The following ADGRL2 variants were observed in gnomAD, a reference collection of about 807,000 sequenced individuals.
The protein encoded by ADGRL2 is adhesion G protein-coupled receptor L2, also known as calcium-independent alpha-latrotoxin receptor 2.
A neutral mutation model predicts 157.4 loss-of-function variants in ADGRL2; 44 were observed. The observed-to-expected ratio is 0.28, with a 90% CI of 0.22 to 0.36. ADGRL2 has a LOEUF of 0.36. Ranked by LOEUF, ADGRL2 falls within the 10% of genes least tolerant of loss-of-function variation. The probability of loss-of-function intolerance (pLI) is 1.00; values close to 1 mark genes in which losing one functional copy is unlikely to be tolerated. For synonymous variants in ADGRL2, 585 were observed against 624.7 expected, an observed-to-expected ratio of 0.94 and a Z score of 0.95; for missense variants, 1,510 against 1,768.9, an observed-to-expected ratio of 0.85 and a Z score of 2.63.
chr1:81,503,444 A>G, intron 2 of ADGRL2: 1 of 1,612,974 alleles, frequency 6.2e-7, no homozygotes, highest in Non-Finnish European at 8.5e-7. Flanking sequence ...CCCAGCGCAG[A>G]GCCCTCCACC....
chr1:81,472,931 A>T (rs2101876676), intron 2 of ADGRL2, among the ~76,000 whole-genome samples: 1 of 152,304 alleles, frequency 6.6e-6, no homozygotes, highest in South Asian at 2.1e-4. Context: ...GGAGGGAAGG[A>T]GGAAGGAAAC....
At chr1:81,592,201 C>T (rs1477767695) in intron 3 of ADGRL2, among the ~76,000 whole-genome samples, 2 of 152,084 alleles carry the variant, frequency 1.3e-5, no homozygotes, top group Non-Finnish European at 2.9e-5. Context: ...TATATCTCAA[C>T]CCAGTTGAGA....
At chr1:81,397,818 G>A (rs974410527) in intron 1 of ADGRL2, among the ~76,000 whole-genome samples, 9 of 152,138 alleles carry the variant, frequency 5.9e-5, no homozygotes, top group African/African-American at 1.9e-4. Flanking sequence ...GTAAATGTCT[G>A]GTATTAGGTA....
intron 1 of ADGRL2, among the ~76,000 whole-genome samples, chr1:81,405,543 T>C (rs34113504): frequency 0.5 from 74,307 of 149,846 alleles, 19,106 homozygotes; most frequent in Non-Finnish European, 0.54. Context: ...TCAGCTACTA[T>C]GGAGGCTGAG....
chr1:81,482,025 C>A (rs1350323749), intron 2 of ADGRL2, among the ~76,000 whole-genome samples: 3 of 152,158 alleles, frequency 2.0e-5, no homozygotes, highest in Non-Finnish European at 4.4e-5. Context: ...CCCAACAGAT[C>A]TCACTAAACT....
At chr1:81,422,064 G>C (rs975286982) in intron 1 of ADGRL2, among the ~76,000 whole-genome samples, 2 of 151,914 alleles carry the variant, frequency 1.3e-5, no homozygotes, top group African/African-American at 4.8e-5. Flanking sequence ...TCATAAAATT[G>C]TTTTACATTA....
At chr1:81,789,701 CAAAAA>C (rs34269882) in intron 2 of ADGRL2, among the ~76,000 whole-genome samples, 2 of 88,498 alleles carry the variant, frequency 2.3e-5, no homozygotes, top group Admixed American at 1.2e-4. Flanking sequence ...GTCTCCGTCT[CAAAAA>C]AAAAAAAAAA....
intron 2 of ADGRL2, among the ~76,000 whole-genome samples, chr1:81,512,047 G>C (rs59988247): frequency 2.0e-5 from 3 of 151,890 alleles, no homozygotes; most frequent in Non-Finnish European, 1.5e-5. Context: ...TTACCTCATC[G>C]TGCTAAAAGA....
At chr1:81,328,227 C>G (rs983224531) in intron 1 of ADGRL2, among the ~76,000 whole-genome samples, 1 of 152,108 alleles carries the variant, frequency 6.6e-6, no homozygotes. Flanking sequence ...CAACTACATA[C>G]TCAGTGGTTT....
chr1:81,367,405 G>A (rs2076085026), intron 1 of ADGRL2, among the ~76,000 whole-genome samples: 1 of 152,014 alleles, frequency 6.6e-6, no homozygotes, highest in Admixed American at 6.6e-5. Flanking sequence ...GGTTTGTGTT[G>A]TTCCCCACCA....
At chr1:81,440,068 A>T (rs1247046230) in intron 1 of ADGRL2, among the ~76,000 whole-genome samples, 1 of 152,244 alleles carries the variant, frequency 6.6e-6, no homozygotes, top group Non-Finnish European at 1.5e-5. Flanking sequence ...AGGCTAAAGC[A>T]AAGACACCAC....
At chr1:81,534,125 A>C (rs2079673994) in intron 2 of ADGRL2, among the ~76,000 whole-genome samples, 1 of 151,988 alleles carries the variant, frequency 6.6e-6, no homozygotes, top group Non-Finnish European at 1.5e-5. Context: ...GCTAATTACA[A>C]GTTATTTTAT....
chr1:81,784,155 A>G (rs1387313972), intron 2 of ADGRL2, among the ~76,000 whole-genome samples: 1 of 152,244 alleles, frequency 6.6e-6, no homozygotes, highest in Non-Finnish European at 1.5e-5. Flanking sequence ...AACATTAACT[A>G]GAGTTAAGTG....
At chr1:81,377,313 CA>C (rs111393431) in intron 1 of ADGRL2, among the ~76,000 whole-genome samples, 2,003 of 151,746 alleles carry the variant, frequency 0.013, 42 homozygotes, top group African/African-American at 0.045. Context: ...TTGAATATTC[CA>C]AAAAATGCAA....
intron 1 of ADGRL2, among the ~76,000 whole-genome samples, chr1:81,750,335 C>T (rs560247024): frequency 1.3e-5 from 2 of 152,260 alleles, no homozygotes; most frequent in South Asian, 2.1e-4. Flanking sequence ...ATATTGGTTA[C>T]AGGTAGGATG....
In ADGRL2 at chr1:81,993,087, A is replaced by ATTTT. The variant is rs71085382; in HGVS notation, c.*1971_*1974dup. On this transcript the variant is annotated 3_prime_UTR_variant, in exon 24 of 24. Transcript: ENST00000686636. ...TATATATATATATATATATATATAT[A>ATTTT]TTTTTTTTTTTTTTTTTTTTTTTTT... is the stretch of plus-strand genomic sequence containing the variant. 2.1e-4 allele frequency among the ~76,000 whole-genome samples: 6 copies of ATTTT among 29,198 alleles called. No homozygotes were observed. Among genetic ancestry groups the ATTTT allele is most frequent in the Admixed American group, 6.4e-4 (1 of 1,572 alleles). The allele number at this position is 29,198 out of a possible 152,430, so 19.2% of individuals were successfully genotyped here. A position where few individuals can be genotyped will look rare whatever the true frequency, so the allele number is the denominator to read the frequency against.
At chr1:81,814,103 T>C (rs1298875290) in intron 1 of ADGRL2, among the ~76,000 whole-genome samples, 2 of 151,794 alleles carry the variant, frequency 1.3e-5, no homozygotes, top group Non-Finnish European at 3.0e-5. Flanking sequence ...GGGATGTTTA[T>C]GACAAGGAAA....
chr1:81,682,740 G>T (rs767210322), intron 3 of ADGRL2, among the ~76,000 whole-genome samples: 2 of 152,158 alleles, frequency 1.3e-5, no homozygotes, highest in African/African-American at 2.4e-5. Flanking sequence ...CCCTCTTCTG[G>T]ACCTTGAAGG....
intron 23 of ADGRL2, chr1:81,989,810 C>A (rs1664212587): frequency 1.3e-6 from 2 of 1,487,146 alleles, no homozygotes; most frequent in Non-Finnish European, 1.8e-6. Context: ...AACATGACTT[C>A]TTTGTATCTG....
Sources: allele counts gnomAD v4.1 joint callset (sites outside exome capture counted in the v4.1 genomes callset), GRCh38; gene constraint gnomAD v4.1.1; transcripts MANE v1.5; gene names NCBI Gene and HGNC (gene_info 2026-07-23, HGNC 2026-07-21).